The following HBS1L variants were observed in gnomAD, a reference collection of about 807,000 sequenced individuals.
The protein encoded by HBS1L is HBS1 like translational GTPase.
Under a neutral mutation model 88.9 loss-of-function variants are expected in HBS1L, and 55 were observed. The observed-to-expected ratio is 0.62, with a 90% confidence interval of 0.50 to 0.77. The LOEUF is 0.77. Ranked by LOEUF, HBS1L falls within the 30% of genes least tolerant of loss-of-function variation. The probability of loss-of-function intolerance (pLI) is 0.00; values close to 1 mark genes in which losing one functional copy is unlikely to be tolerated. For synonymous variants in HBS1L, 267 were observed against 288.5 expected (o/e 0.93, Z 0.76); for missense variants, 741 against 829.3 (o/e 0.89, Z 1.31).
At chr6:135,012,164 T>C (rs988040540) in intron 4 of HBS1L, among the ~76,000 whole-genome samples, 4 of 152,104 alleles carry the variant, frequency 2.6e-5, no homozygotes, top group African/African-American at 7.2e-5. Context: ...AAATTGTAGA[T>C]GTACATAAGG....
chr6:135,050,783 A>G (rs999413472), intron 1 of HBS1L, 136 bp from the exon 2 acceptor site: 10 of 606,294 alleles, frequency 1.6e-5, no homozygotes, highest in Non-Finnish European at 2.9e-5. Context: ...TCTATTTTCA[A>G]AAAAACTCTT....
At chr6:135,035,793 A>AGCC (rs1776527410) in intron 4 of HBS1L, 2 of 162,022 alleles carry the variant, frequency 1.2e-5, no homozygotes, top group South Asian at 2.2e-4. Context: ...AAAAAAAAGC[A>AGCC]GCAGCAGCAG....
Position 134,961,090 on chromosome 6 carries a change from C to CTTTTTTTTTTTTTTTTT in HBS1L, c.*4172_*4188dup, listed in dbSNP as rs58274929. On this transcript the variant is annotated 3_prime_UTR_variant, in exon 18 of 18. Coordinates refer to ENST00000367837, the MANE Select transcript of HBS1L (RefSeq NM_006620.4). ...TTGCTGTACAGACTTAGTTTCTTTGCTTTTTTTTTTTTTTTTTTTGCATTG... is the reference window on the plus strand; with the variant it reads ...TTGCTGTACAGACTTAGTTTCTTTGCTTTTTTTTTTTTTTTTTTTTTTTTTTTTTTTTTTTTGCATTG... The CTTTTTTTTTTTTTTTTT allele has an allele frequency of 6.6e-5, 7 of 106,220 alleles. No individual in the cohort carries two copies. The highest frequency in any genetic ancestry group is 2.7e-4 in the East Asian group (1 of 3,658). The allele number at this position is 106,220 out of a possible 1,614,324, so 6.6% of individuals were successfully genotyped here.
Position 135,039,734 on chromosome 6 carries a change from T to C in HBS1L, c.269A>G (p.Glu90Gly). 6.2e-7 allele frequency: 1 copy of C among 1,613,680 alleles called. No individual in the cohort carries two copies. Among genetic ancestry groups the C allele is most frequent in the East Asian group, 2.2e-5 (1 of 44,856 alleles). The change falls in exon 4 of 18, where the codon GAG becomes GGG. Residue 90 changes from glutamate to glycine, a missense_variant. Glu to Gly is a moderately conservative substitution (Grantham distance 98). Around this residue, in one of 3 missense-constraint regions of HBS1L, gnomAD observed 556 missense variants for 598.4 expected, o/e 0.93. Transcript: ENST00000367837. The part of the protein sequence containing the change: ...RLYSCLDHMR[E>G]VLGDAVPDEI... ...ATCTGGCACAGCATCTCCAAGTACC[T>C]CTCTCATGTGATCAAGGCATGAATA...
At chr6:135,040,776 A>G (rs6569989) in intron 3 of HBS1L, among the ~76,000 whole-genome samples, 5,433 of 152,300 alleles carry the variant, frequency 0.036, 332 homozygotes, top group African/African-American at 0.12. Flanking sequence ...TTTAAAATCC[A>G]TAAGAGCAGA....
At chr6:135,053,202 C>T (rs1176271169) in intron 1 of HBS1L, among the ~76,000 whole-genome samples, 2 of 152,174 alleles carry the variant, frequency 1.3e-5, no homozygotes, top group East Asian at 1.9e-4. Flanking sequence ...TGCTTAAATT[C>T]CCCCCAATCC....
intron 4 of HBS1L, among the ~76,000 whole-genome samples, chr6:135,028,285 G>C (rs998584064): frequency 4.6e-5 from 7 of 151,508 alleles, no homozygotes; most frequent in Admixed American, 1.3e-4. Context: ...AAAATGCTGG[G>C]CAGAGAGAAA....
chr6:135,040,166 G>T (rs186711652), intron 3 of HBS1L, among the ~76,000 whole-genome samples: 1 of 152,016 alleles, frequency 6.6e-6, no homozygotes, highest in Non-Finnish European at 1.5e-5. Context: ...AGTTATTCAC[G>T]AAGTATATTT....
At chr6:134,971,823 G>T (rs1489611299) in intron 15 of HBS1L, among the ~76,000 whole-genome samples, 1 of 152,026 alleles carries the variant, frequency 6.6e-6, no homozygotes, top group African/African-American at 2.4e-5. Context: ...CTCTCGGAGG[G>T]TTCAATTCCT....
chr6:135,038,102 A>T, intron 4 of HBS1L: 1 of 1,190,962 alleles, frequency 8.4e-7, no homozygotes, highest in Non-Finnish European at 1.1e-6. Flanking sequence ...AACCAAAAGG[A>T]AACATGAAAT....
intron 3 of HBS1L, among the ~76,000 whole-genome samples, chr6:135,040,788 A>G (rs1173446215): frequency 3.3e-5 from 5 of 152,346 alleles, no homozygotes; most frequent in African/African-American, 1.2e-4. Flanking sequence ...AAGAGCAGAG[A>G]GGCTTTGTAT....
chr6:135,054,289 G>C (rs965831524), intron 1 of HBS1L, among the ~76,000 whole-genome samples: 2 of 152,244 alleles, frequency 1.3e-5, no homozygotes, highest in African/African-American at 4.8e-5. Context: ...AGGGGATCTG[G>C]GAGAGAGGAG....
intron 4 of HBS1L, among the ~76,000 whole-genome samples, chr6:135,032,855 G>A (rs182513719): frequency 6.6e-5 from 10 of 151,798 alleles, no homozygotes; most frequent in East Asian, 1.9e-4. Flanking sequence ...AGAAGAAAAA[G>A]AGTAAAAGAC....
intron 13 of HBS1L, among the ~76,000 whole-genome samples, chr6:134,979,893 A>G (rs1774776077): frequency 6.6e-6 from 1 of 152,060 alleles, no homozygotes; most frequent in Non-Finnish European, 1.5e-5. Context: ...GGAAATAGTG[A>G]TAAGAAAATT....
intron 4 of HBS1L, chr6:135,036,003 T>C (rs1260589478): frequency 6.3e-5 from 42 of 670,146 alleles, no homozygotes; most frequent in Non-Finnish European, 7.7e-5. Context: ...TTATCAAAAA[T>C]GTATTTCAAC....
At chr6:135,001,835 C>T (rs1217678208) in intron 5 of HBS1L, among the ~76,000 whole-genome samples, 1 of 150,222 alleles carries the variant, frequency 6.7e-6, no homozygotes, top group Admixed American at 6.6e-5. Context: ...TCTTCCCAAC[C>T]AAAACTCATA....
chr6:135,020,886 CA>C (rs1476642859), intron 4 of HBS1L, among the ~76,000 whole-genome samples: 1 of 151,540 alleles, frequency 6.6e-6, no homozygotes, highest in Non-Finnish European at 1.5e-5. Flanking sequence ...AGGGGGAGGG[CA>C]AAATGAAGAG....
chr6:134,975,507 A>T (rs1774616862), intron 15 of HBS1L, among the ~76,000 whole-genome samples: 1 of 152,212 alleles, frequency 6.6e-6, no homozygotes, highest in Non-Finnish European at 1.5e-5. Flanking sequence ...ACTTCAAATT[A>T]TACTACAGGC....
At chr6:134,967,058 C>T (rs1355537186) in intron 16 of HBS1L, among the ~76,000 whole-genome samples, 2 of 152,146 alleles carry the variant, frequency 1.3e-5, no homozygotes, top group African/African-American at 4.8e-5. Context: ...ACAAAAATCA[C>T]ATAAGTAGCT....
Sources: gnomAD v4.1 joint callset for allele counts (sites outside exome capture counted in the v4.1 genomes callset) on GRCh38, gnomAD v4.1.1 for gene constraint, gnomAD v4.1.1 regional missense constraint, MANE v1.5 for transcripts, NCBI Gene and HGNC (gene_info 2026-07-23, HGNC 2026-07-21) for gene names.